The following NOS1AP variants were observed in gnomAD, a reference collection of about 807,000 sequenced individuals.
The protein encoded by NOS1AP is nitric oxide synthase 1 adaptor protein, also known as carboxyl-terminal PDZ ligand of neuronal nitric oxide synthase protein.
A neutral mutation model predicts 56.2 loss-of-function variants in NOS1AP; 21 were observed. The ratio of observed to expected loss-of-function variants is 0.37; its 90% CI spans 0.26 to 0.54. The LOEUF is 0.54. NOS1AP is among the 20% of genes least tolerant of loss of function. The probability of loss-of-function intolerance (pLI) is 0.84; values close to 1 mark genes in which losing one functional copy is unlikely to be tolerated. For synonymous variants in NOS1AP, 270 were observed against 274.6 expected, an observed-to-expected ratio of 0.98 and a Z score of 0.17; for missense variants, 522 against 657.8, an observed-to-expected ratio of 0.79 and a Z score of 2.26.
intron 2 of NOS1AP, among the ~76,000 whole-genome samples, chr1:162,172,534 T>C (rs1245513589): frequency 2.0e-5 from 3 of 152,186 alleles, no homozygotes; most frequent in Non-Finnish European, 1.5e-5. Flanking sequence ...TTACTTAACA[T>C]TGCAAACTAG....
intron 2 of NOS1AP, among the ~76,000 whole-genome samples, chr1:162,187,972 A>C (rs999595633): frequency 6.6e-6 from 1 of 152,168 alleles, no homozygotes; most frequent in African/African-American, 2.4e-5. Flanking sequence ...GGGCCAAGTA[A>C]AATGTGGTGG....
chr1:162,220,355 G>A (rs74125996), intron 2 of NOS1AP, among the ~76,000 whole-genome samples: 30 of 152,204 alleles, frequency 2.0e-4, no homozygotes, highest in African/African-American at 7.0e-4. Flanking sequence ...CGTGGGTCTC[G>A]GTTGCTGCCA....
chr1:162,258,033 C>T (rs1444703187), intron 2 of NOS1AP, among the ~76,000 whole-genome samples: 1 of 151,774 alleles, frequency 6.6e-6, no homozygotes, highest in Non-Finnish European at 1.5e-5. Flanking sequence ...AGCCTTATTT[C>T]TGATAATTCT....
chr1:162,363,859 C>A, intron 8 of NOS1AP: 1 of 985,396 alleles, frequency 1.0e-6, no homozygotes, highest in Non-Finnish European at 1.2e-6. Context: ...TCAGTTCTGT[C>A]CTTAGCAGCT....
chr1:162,297,059 G>T (rs1380257310), intron 3 of NOS1AP, among the ~76,000 whole-genome samples: 1 of 152,184 alleles, frequency 6.6e-6, no homozygotes, highest in African/African-American at 2.4e-5. Context: ...GTCAGGTGGG[G>T]ATCCCAACCC....
rs1348226703 is a variant in NOS1AP, at chr1:162,367,286, C to T, written c.1340C>T (p.Ala447Val). 5 of 1,613,320 alleles carry T rather than the reference C, an allele frequency of 3.1e-6. No individual in the cohort carries two copies. The highest frequency in any genetic ancestry group is 4.5e-5 in the East Asian group (2 of 44,886). The change falls in exon 10 of 10, where the codon GCG becomes GTG. Residue 447 changes from alanine to valine, a missense_variant. Physicochemically the swap from Ala to Val is moderately conservative, Grantham distance 64 (BLOSUM62 0). Transcript: ENST00000361897. The surrounding 1 kb of genome is among the most constrained non-coding windows in gnomAD (Gnocchi z 6.5). ...ACCCCGCCCCCAGCGCAGGGCGAGG[C>T]GCTCCTGGGCGGTCTGGAGCTCATC... ...EDTPPPAQGEALLGGLELIKF... is the reference protein window; with the variant it reads ...EDTPPPAQGEVLLGGLELIKF...
At chr1:162,327,520 C>T (rs962512477) in intron 4 of NOS1AP, among the ~76,000 whole-genome samples, 9 of 152,166 alleles carry the variant, frequency 5.9e-5, no homozygotes, top group African/African-American at 1.9e-4. Flanking sequence ...TAGAAGAGAT[C>T]ATTAAGCAGA....
At chr1:162,335,986 T>A (rs1346631931) in intron 5 of NOS1AP, among the ~76,000 whole-genome samples, 1 of 152,128 alleles carries the variant, frequency 6.6e-6, no homozygotes, top group East Asian at 1.9e-4. Context: ...CCAGTGTGGC[T>A]CCCACCTTGG....
intron 2 of NOS1AP, among the ~76,000 whole-genome samples, chr1:162,177,375 C>T (rs1453408022): frequency 1.3e-5 from 2 of 152,162 alleles, no homozygotes; most frequent in Non-Finnish European, 2.9e-5. Flanking sequence ...TCCTGTGTGA[C>T]TCAGGAGAGA....
intron 4 of NOS1AP, among the ~76,000 whole-genome samples, chr1:162,314,224 G>C (rs1417125114): frequency 6.6e-6 from 1 of 152,232 alleles, no homozygotes; most frequent in Non-Finnish European, 1.5e-5. Context: ...AGAGCCCATA[G>C]ACCTGCACAG....
chr1:162,297,381 C>T (rs777297540), intron 3 of NOS1AP, among the ~76,000 whole-genome samples: 13 of 152,188 alleles, frequency 8.5e-5, no homozygotes, highest in East Asian at 1.9e-4. Flanking sequence ...TTTATGCCAC[C>T]GCAGCCACTT....
At chr1:162,276,524 T>C (rs1486627318) in intron 2 of NOS1AP, among the ~76,000 whole-genome samples, 1 of 129,246 alleles carries the variant, frequency 7.7e-6, no homozygotes, top group Non-Finnish European at 1.7e-5. Context: ...CTGGGTAGCT[T>C]AAAAAAAAAA....
chr1:162,340,167 T>A (rs1170190744), intron 5 of NOS1AP, among the ~76,000 whole-genome samples: 1 of 152,246 alleles, frequency 6.6e-6, no homozygotes, highest in East Asian at 1.9e-4. Flanking sequence ...AGTGTCCTTT[T>A]ACTGTGAATA....
intron 1 of NOS1AP, among the ~76,000 whole-genome samples, chr1:162,152,270 A>T (rs977896708): frequency 6.6e-6 from 1 of 152,170 alleles, no homozygotes; most frequent in African/African-American, 2.4e-5. Context: ...GCTCCCTGTG[A>T]TGGGTGACCT....
chr1:162,291,898 G>A (rs1655294012), intron 3 of NOS1AP, among the ~76,000 whole-genome samples: 2 of 152,106 alleles, frequency 1.3e-5, no homozygotes, highest in African/African-American at 4.8e-5. Context: ...TTATAATACT[G>A]GAATCACGCT....
chr1:162,291,975 A>G (rs1369725318), intron 3 of NOS1AP, among the ~76,000 whole-genome samples: 1 of 152,144 alleles, frequency 6.6e-6, no homozygotes, highest in Non-Finnish European at 1.5e-5. Context: ...CATCCAAGGG[A>G]TTTTTCTAAT....
intron 4 of NOS1AP, among the ~76,000 whole-genome samples, chr1:162,306,993 C>G (rs558688042): frequency 2.0e-5 from 3 of 152,072 alleles, no homozygotes; most frequent in African/African-American, 7.2e-5. Flanking sequence ...TCATCCAAGT[C>G]ACCGATAAGG....
chr1:162,195,694 CTT>C (rs1651783531), intron 2 of NOS1AP, among the ~76,000 whole-genome samples: 1 of 152,158 alleles, frequency 6.6e-6, no homozygotes, highest in African/African-American at 2.4e-5. Flanking sequence ...TGACTTTCAT[CTT>C]TTCTGTTACT....
chr1:162,118,244 G>A (rs80349199), intron 1 of NOS1AP, among the ~76,000 whole-genome samples: 10,168 of 152,110 alleles, frequency 0.067, 503 homozygotes, highest in African/African-American at 0.14. Context: ...TTCAGCCCAC[G>A]TCTCCCTTCC....
Sources: gnomAD v4.1 joint callset for allele counts (sites outside exome capture counted in the v4.1 genomes callset) on GRCh38, gnomAD v4.1.1 for gene constraint, Gnocchi (gnomAD v3.1) non-coding constraint, MANE v1.5 for transcripts, NCBI Gene and HGNC (gene_info 2026-07-23, HGNC 2026-07-21) for gene names.